MBD5: variants seen among roughly 807,000 people sequenced by gnomAD.
MBD5 encodes the protein methyl-CpG binding domain protein 5, also known as methyl-CpG-binding domain protein 5.
A neutral mutation model predicts 117.3 loss-of-function variants in MBD5; 13 were observed. That is an observed-to-expected ratio of 0.11 (90% CI 0.07 to 0.18). MBD5 has a LOEUF of 0.18. MBD5 is among the 10% of genes least tolerant of loss of function. MBD5 has a pLI of 1.00. For synonymous variants in MBD5, 727 were observed against 766.4 expected (o/e 0.95, Z 0.85); for missense variants, 1,879 against 2,093.8 (o/e 0.90, Z 2.00).
At chr2:148,511,735 C>G (rs974956709) in intron 13 of MBD5, among the ~76,000 whole-genome samples, 1 of 152,116 alleles carries the variant, frequency 6.6e-6, no homozygotes, top group African/African-American at 2.4e-5. Flanking sequence ...TGGCTCTTTA[C>G]TACAGAATAG....
At chr2:148,134,840 C>A (rs1178948476) in intron 1 of MBD5, among the ~76,000 whole-genome samples, 2 of 152,170 alleles carry the variant, frequency 1.3e-5, no homozygotes, top group Non-Finnish European at 2.9e-5. Flanking sequence ...TTATTGCACT[C>A]TTTTCTATTT....
intron 5 of MBD5, 50 bp from the exon 6 acceptor site, chr2:148,462,530 AAT>A: frequency 8.7e-7 from 1 of 1,146,804 alleles, no homozygotes; most frequent in African/African-American, 1.5e-5. Context: ...TTTTTCATAT[AAT>A]ATGTGTAGTC....
At chr2:148,210,213 A>G (rs897717142) in intron 2 of MBD5, among the ~76,000 whole-genome samples, 3 of 152,188 alleles carry the variant, frequency 2.0e-5, no homozygotes, top group African/African-American at 4.8e-5. Context: ...CCTAATTCCT[A>G]CATTTTAAAT....
At chr2:148,411,329 A>G (rs979263528) in intron 4 of MBD5, among the ~76,000 whole-genome samples, 1 of 151,988 alleles carries the variant, frequency 6.6e-6, no homozygotes, top group African/African-American at 2.4e-5. Context: ...TGTCTTTATG[A>G]TAGAATGATT....
intron 1 of MBD5, among the ~76,000 whole-genome samples, chr2:148,132,666 A>C (rs900488503): frequency 1.7e-4 from 26 of 152,300 alleles, no homozygotes; most frequent in Admixed American, 1.6e-3. Flanking sequence ...TGAGAAACTT[A>C]TGCAGGAGTG....
chr2:148,302,145 T>C (rs1453720957), intron 3 of MBD5, among the ~76,000 whole-genome samples: 1 of 152,226 alleles, frequency 6.6e-6, no homozygotes, highest in Non-Finnish European at 1.5e-5. Context: ...CTATTGAGTC[T>C]TTATAAATGG....
At chr2:148,152,874 G>A (rs1463115753) in intron 1 of MBD5, among the ~76,000 whole-genome samples, 2 of 151,880 alleles carry the variant, frequency 1.3e-5, no homozygotes, top group Non-Finnish European at 2.9e-5. Context: ...GCACACTGAT[G>A]GGTCTTGACT....
intron 2 of MBD5, among the ~76,000 whole-genome samples, chr2:148,179,780 G>T (rs1349738935): frequency 6.6e-6 from 1 of 152,164 alleles, no homozygotes; most frequent in African/African-American, 2.4e-5. Context: ...TTGCCAAATG[G>T]GGACAATGGA....
intron 10 of MBD5, among the ~76,000 whole-genome samples, chr2:148,487,833 A>G (rs1681388399): frequency 1.3e-5 from 2 of 152,234 alleles, no homozygotes; most frequent in South Asian, 2.1e-4. Context: ...CCATAACATC[A>G]TGGTGTTAAC....
intron 1 of MBD5, chr2:148,055,743 A>T (rs566775891): frequency 6.6e-6 from 1 of 152,170 alleles, no homozygotes; most frequent in South Asian, 2.1e-4. Context: ...TTTATTGAAT[A>T]GGTTTTTCTT....
chr2:148,151,523 G>T (rs1300214180), intron 1 of MBD5, among the ~76,000 whole-genome samples: 18 of 152,220 alleles, frequency 1.2e-4, no homozygotes, highest in Non-Finnish European at 8.8e-5. Context: ...AATGGTACCA[G>T]CTCCTCCTTG....
At chr2:148,350,567 A>G (rs946574333) in intron 4 of MBD5, among the ~76,000 whole-genome samples, 2 of 152,046 alleles carry the variant, frequency 1.3e-5, no homozygotes, top group African/African-American at 4.8e-5. Flanking sequence ...AAATCAAAAT[A>G]ATTTTTATAA....
At chr2:148,173,513 C>T (rs988617227) in intron 1 of MBD5, among the ~76,000 whole-genome samples, 4 of 152,122 alleles carry the variant, frequency 2.6e-5, no homozygotes, top group Admixed American at 6.5e-5. Context: ...ACTCAGTCTG[C>T]GTGCTCAAGT....
At chr2:148,346,461 G>A (rs1276251729) in intron 4 of MBD5, 2 of 151,976 alleles carry the variant, frequency 1.3e-5, no homozygotes, top group Non-Finnish European at 2.9e-5. Context: ...TTGAAAGAAT[G>A]AGAATGTCAC....
chr2:148,281,374 T>G (rs1390577326), intron 3 of MBD5, among the ~76,000 whole-genome samples: 1 of 152,172 alleles, frequency 6.6e-6, no homozygotes, highest in Non-Finnish European at 1.5e-5. Flanking sequence ...TACTAGGATT[T>G]TCTTTTTCAA....
intron 1 of MBD5, among the ~76,000 whole-genome samples, chr2:148,037,015 C>A (rs1694213650): frequency 6.6e-6 from 1 of 151,524 alleles, no homozygotes; most frequent in Non-Finnish European, 1.5e-5. Flanking sequence ...GCGTAGATAA[C>A]AAAAGTAATT....
At chr2:148,335,559 A>T (rs1370098426) in intron 3 of MBD5, among the ~76,000 whole-genome samples, 1 of 151,808 alleles carries the variant, frequency 6.6e-6, no homozygotes, top group East Asian at 1.9e-4. Flanking sequence ...TCTCTACCAA[A>T]AATAAACACA....
chr2:148,255,926 C>T (rs932627641), intron 3 of MBD5, among the ~76,000 whole-genome samples: 9 of 152,236 alleles, frequency 5.9e-5, no homozygotes, highest in East Asian at 1.9e-4. Flanking sequence ...TCAGTCTCAA[C>T]GGCCAGAGGG....
chr2:148,305,756 A>T (rs1022109092), intron 3 of MBD5, among the ~76,000 whole-genome samples: 4 of 152,200 alleles, frequency 2.6e-5, no homozygotes, highest in African/African-American at 9.7e-5. Context: ...AAGCAGAAGG[A>T]TGGGAGAAAA....
Sources: gnomAD v4.1 joint callset for allele counts (sites outside exome capture counted in the v4.1 genomes callset) on GRCh38, gnomAD v4.1.1 for gene constraint, MANE v1.5 for transcripts, NCBI Gene and HGNC (gene_info 2026-07-23, HGNC 2026-07-21) for gene names.